The following HDAC9 variants were observed in gnomAD, a reference collection of about 807,000 sequenced individuals.
HDAC9 encodes the protein histone deacetylase 9.
In HDAC9, 41 loss-of-function variants were observed where a neutral mutation model predicts 139.4. The ratio of observed to expected loss-of-function variants is 0.29; its 90% CI spans 0.23 to 0.38. The LOEUF (loss-of-function observed/expected upper bound fraction) is 0.38. Among genes scored for constraint, HDAC9 ranks in the 10% least tolerant of loss-of-function variants. The probability of loss-of-function intolerance (pLI) is 1.00; values close to 1 mark genes in which losing one functional copy is unlikely to be tolerated. For synonymous variants in HDAC9, 517 were observed against 476.2 expected (o/e 1.09, Z -1.12); for missense variants, 1,147 against 1,297.0 (o/e 0.88, Z 1.78).
At chr7:18,125,949 C>G (rs980858504) in intron 1 of HDAC9, among the ~76,000 whole-genome samples, 2 of 152,178 alleles carry the variant, frequency 1.3e-5, no homozygotes. Flanking sequence ...AACCCTGAGT[C>G]TATCTGGCTA....
intron 16 of HDAC9, among the ~76,000 whole-genome samples, chr7:18,791,840 G>T (rs900506710): frequency 2.6e-5 from 4 of 152,138 alleles, no homozygotes; most frequent in African/African-American, 9.7e-5. Context: ...GCTAGCTTTT[G>T]TTTACCACTT....
At chr7:18,944,712 G>C (rs1782253429) in intron 23 of HDAC9, among the ~76,000 whole-genome samples, 1 of 151,952 alleles carries the variant, frequency 6.6e-6, no homozygotes, top group Non-Finnish European at 1.5e-5. Flanking sequence ...TTTCTAACTA[G>C]TATCCCCTTT....
intron 21 of HDAC9, among the ~76,000 whole-genome samples, chr7:18,836,317 C>T (rs1011734468): frequency 1.3e-5 from 2 of 152,026 alleles, no homozygotes; most frequent in Admixed American, 1.3e-4. Flanking sequence ...TATTCATTGC[C>T]CTGAGAAGTC....
intron 24 of HDAC9, among the ~76,000 whole-genome samples, chr7:18,968,552 G>A (rs1033425728): frequency 2.0e-5 from 3 of 152,096 alleles, no homozygotes; most frequent in Non-Finnish European, 4.4e-5. Context: ...AATGAGTACC[G>A]CAGATTCCAG....
intron 17 of HDAC9, among the ~76,000 whole-genome samples, chr7:18,817,247 G>A (rs1794638809): frequency 6.6e-6 from 1 of 152,066 alleles, no homozygotes; most frequent in Non-Finnish European, 1.5e-5. Flanking sequence ...TGTTAGCCAG[G>A]ATGGTCTCTG....
chr7:18,893,621 G>T (rs945280235), intron 22 of HDAC9, among the ~76,000 whole-genome samples: 1 of 152,184 alleles, frequency 6.6e-6, no homozygotes, highest in South Asian at 2.1e-4. Flanking sequence ...GGACATTGCA[G>T]ATATAGAACA....
At chr7:18,622,595 T>G (rs1840508269) in intron 6 of HDAC9, among the ~76,000 whole-genome samples, 1 of 152,082 alleles carries the variant, frequency 6.6e-6, no homozygotes, top group Non-Finnish European at 1.5e-5. Context: ...GTGCTGGGAT[T>G]ACGGGTGTGA....
intron 2 of HDAC9, among the ~76,000 whole-genome samples, chr7:18,281,284 C>T (rs1033635663): frequency 6.6e-6 from 1 of 152,146 alleles, no homozygotes; most frequent in Admixed American, 6.5e-5. Context: ...TAGTGAGCAT[C>T]AAAACTATTC....
At chr7:18,371,668 A>G (rs1643934936) in intron 1 of HDAC9, among the ~76,000 whole-genome samples, 1 of 152,174 alleles carries the variant, frequency 6.6e-6, no homozygotes, top group South Asian at 2.1e-4. Context: ...TGTCACAGCT[A>G]TCCATTCTCT....
At chr7:18,484,064 G>T (rs983458760) in intron 1 of HDAC9, among the ~76,000 whole-genome samples, 1 of 151,398 alleles carries the variant, frequency 6.6e-6, no homozygotes, top group Non-Finnish European at 1.5e-5. Flanking sequence ...TACTGTTATG[G>T]GGCTGGGCAT....
At chr7:18,564,196 A>G (rs1821529563) in intron 2 of HDAC9, among the ~76,000 whole-genome samples, 1 of 152,168 alleles carries the variant, frequency 6.6e-6, no homozygotes, top group South Asian at 2.1e-4. Context: ...CAAGGCCTGC[A>G]TAGTTTAGAA....
chr7:18,727,624 A>G lies in HDAC9; in HGVS notation c.1776A>G (p.Gln592=). ...PTHTRALSVR[Q]APLAAVGMDG... is the part of the protein sequence containing the mutation. The stretch of plus-strand genomic sequence containing the variant: ...ACACACGTGCGCTCTCTGTGCGCCA[A>G]GCTCCGCTGGCTGCGGTTGGCATGG... The change falls in exon 13 of 26, where the codon CAA becomes CAG. Residue 592 remains glutamine, a synonymous_variant. Coordinates refer to ENST00000686413, the MANE Select transcript of HDAC9 (RefSeq NM_178425.4). 1 of 1,589,206 alleles carries G rather than the reference A, an allele frequency of 6.3e-7. No individual in the cohort carries two copies. Among genetic ancestry groups the G allele is most frequent in the South Asian group, 1.2e-5 (1 of 86,624 alleles).
intron 25 of HDAC9, among the ~76,000 whole-genome samples, chr7:18,991,884 A>G (rs1347518999): frequency 6.6e-6 from 1 of 152,220 alleles, no homozygotes; most frequent in Non-Finnish European, 1.5e-5. Context: ...TGTGAGTTCT[A>G]TGAGAGCAGG....
At chr7:18,636,263 G>A (rs1488174574) in intron 8 of HDAC9, among the ~76,000 whole-genome samples, 1 of 151,982 alleles carries the variant, frequency 6.6e-6, no homozygotes, top group Admixed American at 6.6e-5. Context: ...TTAGTTGACT[G>A]CCCCTCTTAC....
chr7:18,460,572 G>T (rs1262129370), intron 1 of HDAC9, among the ~76,000 whole-genome samples: 1 of 151,888 alleles, frequency 6.6e-6, no homozygotes, highest in Non-Finnish European at 1.5e-5. Flanking sequence ...ATAACCTGAG[G>T]TTGGGAGTTG....
At chr7:18,891,931 C>G (rs1800718761) in intron 22 of HDAC9, among the ~76,000 whole-genome samples, 1 of 152,004 alleles carries the variant, frequency 6.6e-6, no homozygotes, top group South Asian at 2.1e-4. Context: ...TGATGACACC[C>G]ATGTAGGTAA....
At chr7:18,684,571 G>A (rs1782128733) in intron 12 of HDAC9, among the ~76,000 whole-genome samples, 1 of 151,986 alleles carries the variant, frequency 6.6e-6, no homozygotes, top group Non-Finnish European at 1.5e-5. Context: ...CTGATGAACT[G>A]TGTCCTAATG....
intron 23 of HDAC9, among the ~76,000 whole-genome samples, chr7:18,943,967 C>G: frequency 6.6e-6 from 1 of 151,998 alleles, no homozygotes; most frequent in East Asian, 1.9e-4. Flanking sequence ...TGATATTTCC[C>G]CCAATCTATT....
At chr7:18,281,164 T>C (rs1051371108) in intron 2 of HDAC9, among the ~76,000 whole-genome samples, 16 of 152,150 alleles carry the variant, frequency 1.1e-4, no homozygotes, top group African/African-American at 3.6e-4. Flanking sequence ...TGATACAAGG[T>C]GGAACAAAGC....
Sources: gnomAD v4.1 joint callset for allele counts (sites outside exome capture counted in the v4.1 genomes callset) on GRCh38, gnomAD v4.1.1 for gene constraint, MANE v1.5 for transcripts, NCBI Gene and HGNC (gene_info 2026-07-23, HGNC 2026-07-21) for gene names.